Variants in PSD4 observed in about 807,000 individuals in gnomAD.
PSD4 encodes the protein PH and SEC7 domain-containing protein 4.
In PSD4, 59 loss-of-function variants were observed where a neutral mutation model predicts 112.5. The ratio of observed to expected loss-of-function variants is 0.52; its 90% CI spans 0.43 to 0.65. PSD4 has a LOEUF of 0.65. Among genes scored for constraint, PSD4 ranks in the 30% least tolerant of loss-of-function variants. The pLI is 0.00. For synonymous variants in PSD4, 533 were observed against 540.0 expected, an observed-to-expected ratio of 0.99 and a Z score of 0.18; for missense variants, 1,267 against 1,352.6, an observed-to-expected ratio of 0.94 and a Z score of 0.99.
intron 5 of PSD4, among the ~76,000 whole-genome samples, chr2:113,188,735 T>C (rs1387553624): frequency 1.8e-4 from 28 of 152,146 alleles, no homozygotes; most frequent in Non-Finnish European, 3.1e-4. Flanking sequence ...CGCCCGCCAC[T>C]GCGCCCGGCT....
chr2:113,195,742 A>C lies in PSD4; in HGVS notation c.2197A>C (p.Ile733Leu). The C allele has an allele frequency of 6.2e-7, 1 of 1,614,128 alleles. No individual in the cohort carries two copies. Residue 733 changes from isoleucine (I) to leucine (L), a missense_variant, in exon 11 of 17, where the codon ATC becomes CTC. Ile to Leu is a conservative substitution (Grantham distance 5, BLOSUM62 2). Transcript: ENST00000245796. ...TCTGTTCCAGGCCCTCTACTGGTCT[A>C]TCCGCAGCGAGAAGCTCGAGTGGGC... ...KELLKALYWS[I>L]RSEKLEWAVD... is the part of the protein sequence containing the mutation.
chr2:113,193,526 T>C, intron 8 of PSD4, 66 bp from the exon 9 acceptor site: 1 of 1,549,864 alleles, frequency 6.5e-7, no homozygotes, highest in African/African-American at 1.4e-5. Flanking sequence ...CCACGCAGTG[T>C]GGGCAGAGGA....
rs771571294 is a variant in PSD4 at position 113,193,270 on chromosome 2, G to A, written c.1932G>A (p.Gln644=). ...SLDRALRSFL[Q]ALVLSGETQE... ...CCCTCCTTTGCAGGAGCTTCCTCCAGGCCTTGGTGCTCAGTGGGGAGACTC... is the reference window on the plus strand; with the variant it reads ...CCCTCCTTTGCAGGAGCTTCCTCCAAGCCTTGGTGCTCAGTGGGGAGACTC... The change falls in exon 8 of 17, where the codon CAG becomes CAA. Residue 644 remains glutamine (Q), a synonymous_variant. Coordinates refer to ENST00000245796, the MANE Select transcript of PSD4 (RefSeq NM_012455.3). 1.4e-5 allele frequency: 23 copies of A among 1,587,390 alleles called. No homozygotes were observed. The highest frequency in any genetic ancestry group is 1.8e-5 in the Non-Finnish European group (21 of 1,168,480).
chr2:113,181,519 T>C (rs1688137713), intron 1 of PSD4, among the ~76,000 whole-genome samples: 1 of 152,128 alleles, frequency 6.6e-6, no homozygotes, highest in East Asian at 1.9e-4. Flanking sequence ...AGAGTGTTAG[T>C]GCAGGCTGTG....
intron 8 of PSD4, 107 bp from the exon 9 acceptor site, chr2:113,193,485 A>C: frequency 6.7e-7 from 1 of 1,494,886 alleles, no homozygotes; most frequent in Non-Finnish European, 9.3e-7. Flanking sequence ...GCTGTGGAGA[A>C]TGGAAGCATT....
At chr2:113,174,255 G>A (rs1013294896) in intron 1 of PSD4, among the ~76,000 whole-genome samples, 9 of 152,002 alleles carry the variant, frequency 5.9e-5, no homozygotes, top group African/African-American at 9.6e-5. Context: ...TCTGTGTCCC[G>A]TCCCCCTCCT....
chr2:113,198,566 G>T, intron 14 of PSD4, 174 bp from the exon 15 acceptor site: 1 of 705,054 alleles, frequency 1.4e-6, no homozygotes, highest in Admixed American at 3.7e-5. Flanking sequence ...CCTCTTTATT[G>T]ATAAGAAATG....
In PSD4 at chr2:113,183,030, C is replaced by A. The variant is rs1226764240; in HGVS notation, c.574C>A (p.Pro192Thr). The A allele has an allele frequency of 6.2e-7, 1 of 1,613,820 alleles. No individual in the cohort carries two copies. The highest frequency in any genetic ancestry group is 8.5e-7 in the Non-Finnish European group (1 of 1,179,908). The change falls in exon 2 of 17, where the codon CCT becomes ACT. Residue 192 changes from proline (P) to threonine (T), a missense_variant. Physicochemically the swap from Pro to Thr is conservative, Grantham distance 38. Transcript: ENST00000245796. The stretch of plus-strand genomic sequence containing the variant: ...GCTGAAATGCTGTCTCCCCACGCCC[C>A]CTGTGGACCTCCCCGGGGACACGGG... ...AGLKCCLPTP[P>T]VDLPGDTGLH...
At chr2:113,193,528 G>A in intron 8 of PSD4, 64 bp from the exon 9 acceptor site, 1 of 1,557,910 alleles carries the variant, frequency 6.4e-7, no homozygotes, top group Non-Finnish European at 8.9e-7. Context: ...ACGCAGTGTG[G>A]GCAGAGGAAA....
At position 113,184,988 on chromosome 2, in the gene PSD4, C is replaced by T; in HGVS notation, c.1088C>T (p.Ala363Val). The T allele has an allele frequency of 6.2e-7, 1 of 1,614,218 alleles. No individual in the cohort carries two copies. Among genetic ancestry groups the T allele is most frequent in the Non-Finnish European group, 8.5e-7 (1 of 1,180,028 alleles). ...GDRLGPAPSA[A>V]PCVDEALTWE... ...AGGCTTGGTCCTGCTCCATCTGCAG[C>T]ACCGTGTGTGGACGAAGCATTGACC... The change falls in exon 3 of 17, where the codon GCA becomes GTA. Residue 363 changes from alanine to valine, a missense_variant. Ala to Val is a moderately conservative substitution (Grantham distance 64). Around this residue, in one of 2 missense-constraint regions of PSD4, gnomAD observed 723 missense variants for 704.0 expected, o/e 1.03. Coordinates refer to ENST00000245796, the MANE Select transcript of PSD4 (RefSeq NM_012455.3).
At chr2:113,174,587 A>C (rs1348491660) in intron 1 of PSD4, among the ~76,000 whole-genome samples, 1 of 152,096 alleles carries the variant, frequency 6.6e-6, no homozygotes, top group Non-Finnish European at 1.5e-5. Context: ...CTCAGAGTCA[A>C]CTTGGCCATC....
At chr2:113,174,545 G>C (rs1020479007) in intron 1 of PSD4, among the ~76,000 whole-genome samples, 4 of 152,264 alleles carry the variant, frequency 2.6e-5, no homozygotes, top group African/African-American at 9.6e-5. Context: ...GGTTTGGGGT[G>C]GGGGTGGCTC....
rs1195684448 is a variant in PSD4 at position 113,176,629 on chromosome 2, G to A, written c.-112+2575G>A. Among the ~76,000 whole-genome samples, 4 of 152,338 alleles carry A rather than the reference G, an allele frequency of 2.6e-5. No homozygotes were observed. In the South Asian group the frequency reaches 8.3e-4, roughly 32 times the overall value. ...AATGTAGAGGTAACAGAACTCAACT[G>A]ATGTGACAGGTGGCGATTCCTTTGC... On this transcript the variant is annotated intron_variant, in intron 1 of 16. Transcript: ENST00000245796.
chr2:113,185,994 C>G lies in PSD4; in HGVS notation c.1367C>G (p.Pro456Arg), dbSNP rs45598832. 921 of 1,614,178 alleles carry G rather than the reference C, an allele frequency of 5.7e-4. 9 individuals carry two copies. The African/African-American group carries it at 0.011, about 18-fold the overall frequency. Reference protein sequence around the residue: ...PSSPESESRGPGPRPSPASSQ... With the variant: ...PSSPESESRGRGPRPSPASSQ... ...AGCCCAGAATCTGAGAGCAGAGGCC[C>G]TGGTCCCAGGCCCAGCCCTGCATCG... The change falls in exon 5 of 17, where the codon CCT becomes CGT. Residue 456 changes from proline to arginine, a missense_variant. Around this residue, in one of 2 missense-constraint regions of PSD4, gnomAD observed 723 missense variants for 704.0 expected, o/e 1.03. Coordinates refer to ENST00000245796, the MANE Select transcript of PSD4 (RefSeq NM_012455.3).
chr2:113,186,328 G>T (rs184627316), intron 5 of PSD4, 73 bp downstream of exon 5: 2 of 1,449,630 alleles, frequency 1.4e-6, no homozygotes, highest in Admixed American at 4.5e-5. Context: ...TCTGGATGGA[G>T]GGTGAGAAAT....
At chr2:113,182,231 A>G in intron 1 of PSD4, 115 bp from the exon 2 acceptor site, 1 of 521,292 alleles carries the variant, frequency 1.9e-6, no homozygotes. Flanking sequence ...GGGCAGTGCT[A>G]AGGAGCAGCA....
intron 15 of PSD4, 24 bp downstream of exon 15, chr2:113,198,908 G>A: frequency 6.4e-7 from 1 of 1,556,268 alleles, no homozygotes; most frequent in Non-Finnish European, 8.6e-7. Context: ...GAAGGGGTGG[G>A]GTCCGGCGGA....
intron 15 of PSD4, 92 bp downstream of exon 15, chr2:113,198,976 C>T: frequency 6.5e-7 from 1 of 1,527,148 alleles, no homozygotes; most frequent in Non-Finnish European, 8.8e-7. Context: ...AGGCGGGCTG[C>T]GCACTTGGCC....
At chr2:113,176,912 T>G (rs1411875894) in intron 1 of PSD4, among the ~76,000 whole-genome samples, 1 of 152,236 alleles carries the variant, frequency 6.6e-6, no homozygotes, top group African/African-American at 2.4e-5. Flanking sequence ...CCGGTAGGAC[T>G]GCCTTTTTGG....
Sources: allele counts gnomAD v4.1 joint callset (sites outside exome capture counted in the v4.1 genomes callset), GRCh38; gene constraint gnomAD v4.1.1; regional missense constraint gnomAD v4.1.1; transcripts MANE v1.5; gene names NCBI Gene and HGNC (gene_info 2026-07-23, HGNC 2026-07-21).